The following BACH1 variants were observed in gnomAD, a reference collection of about 807,000 sequenced individuals.
BACH1 encodes BTB domain and CNC homolog 1.
In BACH1, 35 loss-of-function variants were observed where a neutral mutation model predicts 52.9. That is an observed-to-expected ratio of 0.66 (90% CI 0.51 to 0.88). BACH1 has a LOEUF of 0.88. Ranked by LOEUF, BACH1 falls within the 40% of genes least tolerant of loss-of-function variation. The probability of loss-of-function intolerance (pLI) is 0.00; values close to 1 mark genes in which losing one functional copy is unlikely to be tolerated. For missense variants in BACH1, 808 were observed against 872.6 expected, an observed-to-expected ratio of 0.93 and a Z score of 0.93; for synonymous variants, 321 against 319.6, an observed-to-expected ratio of 1.00 and a Z score of -0.05.
At chr21:29,323,897 G>T (rs1395953847) in intron 2 of BACH1, among the ~76,000 whole-genome samples, 1 of 152,136 alleles carries the variant, frequency 6.6e-6, no homozygotes, top group Non-Finnish European at 1.5e-5. Context: ...TAGCATGTGT[G>T]TGTGCGGGTT....
chr21:29,303,383 G>T (rs1223866203), intron 1 of BACH1, among the ~76,000 whole-genome samples: 1 of 152,218 alleles, frequency 6.6e-6, no homozygotes, highest in East Asian at 1.9e-4. Flanking sequence ...ATGGCACTCT[G>T]AATGTGCCTT....
rs200472398 is a variant in BACH1 at position 29,326,816 on chromosome 21, A to G, written c.992A>G (p.Gln331Arg). ...TTGTCTCTTTTACACACATATGACC[A>G]ATATGGTGACTTGAATTTTGCTGGT... ...YSLSLLHTYD[Q>R]YGDLNFAGMQ... The change falls in exon 3 of 5, where the codon CAA (glutamine) becomes CGA (arginine). Residue 331 changes from glutamine (Q) to arginine (R), a missense_variant. Transcript: ENST00000286800. The G allele has an allele frequency of 4.9e-4, 784 of 1,614,084 alleles. No homozygotes were observed. Among genetic ancestry groups the G allele is most frequent in the Non-Finnish European group, 6.3e-4 (746 of 1,180,046 alleles).
At chr21:29,328,525 CCT>C (rs1601357274) in intron 3 of BACH1, among the ~76,000 whole-genome samples, 2 of 150,818 alleles carry the variant, frequency 1.3e-5, no homozygotes, top group South Asian at 4.2e-4. Context: ...CATTTTTTCC[CCT>C]TTCTTGGGCT....
In BACH1 at chr21:29,326,513, T is replaced by G. The variant is rs542608015; in HGVS notation, c.689T>G (p.Phe230Cys). Residue 230 changes from phenylalanine (F) to cysteine (C), a missense_variant, in exon 3 of 5, where the codon TTC becomes TGC. By Grantham distance (205) the Phe-to-Cys change is radical. Coordinates refer to ENST00000286800, the MANE Select transcript of BACH1 (RefSeq NM_001186.4). ...TCTTTATGCCCCAAATACAGAAAAT[T>G]CCAAAAAGCATTTGGAACTGACAGA... Reference protein sequence around the residue: ...LPSLCPKYRKFQKAFGTDRVR... With the variant: ...LPSLCPKYRKCQKAFGTDRVR... 1.2e-6 allele frequency: 2 copies of G among 1,614,114 alleles called. No homozygotes were observed. The highest frequency in any genetic ancestry group is 2.7e-5 in the African/African-American group (2 of 75,010).
intron 3 of BACH1, among the ~76,000 whole-genome samples, chr21:29,328,975 CAT>C (rs1390099199): frequency 2.0e-5 from 3 of 152,132 alleles, no homozygotes; most frequent in Admixed American, 2.0e-4. Context: ...AGGTTGTTTC[CAT>C]ATCATGGCTA....
At chr21:29,360,809 C>T (rs1451965669) in intron 2 of BACH1, among the ~76,000 whole-genome samples, 3 of 148,936 alleles carry the variant, frequency 2.0e-5, no homozygotes, top group African/African-American at 5.0e-5. Context: ...GGCACCACTG[C>T]ACTCCAGACT....
rs199708280 is a variant in BACH1 at position 29,339,564 on chromosome 21, TA to T, written c.1777-2828del. 6.4e-3 allele frequency among the ~76,000 whole-genome samples: 978 copies of T among 151,982 alleles called. 5 individuals are homozygous for T. Among genetic ancestry groups the T allele is most frequent in the African/African-American group, 0.022 (904 of 41,442 alleles). ...TTGGGTGAGTTATATTTATGATCTTTAAAAAAATTATATTTGAATAAATATT... is the reference window on the plus strand; with the variant it reads ...TTGGGTGAGTTATATTTATGATCTTTAAAAAATTATATTTGAATAAATATT... On this transcript the variant is annotated intron_variant, in intron 4 of 4. Transcript: ENST00000286800.
chr21:29,355,583 G>A (rs2089229071), intron 2 of BACH1, among the ~76,000 whole-genome samples: 1 of 152,178 alleles, frequency 6.6e-6, no homozygotes, highest in Admixed American at 6.5e-5. Context: ...TCTTCCAGAG[G>A]GGAACTCTCT....
intron 1 of BACH1, among the ~76,000 whole-genome samples, chr21:29,312,914 C>T (rs1222827441): frequency 6.6e-6 from 1 of 152,008 alleles, no homozygotes; most frequent in East Asian, 1.9e-4. Context: ...ATTAAAAAGC[C>T]CAGAAGAATT....
intron 2 of BACH1, 107 bp downstream of exon 2, chr21:29,321,621 C>T: frequency 1.1e-6 from 1 of 935,408 alleles, no homozygotes; most frequent in Non-Finnish European, 1.5e-6. Flanking sequence ...GGCTATGGAG[C>T]ATTTCCCAGG....
chr21:29,328,742 C>G (rs1184593511), intron 3 of BACH1, among the ~76,000 whole-genome samples: 3 of 152,166 alleles, frequency 2.0e-5, no homozygotes, highest in East Asian at 3.8e-4. Flanking sequence ...CCATTCTACT[C>G]TCTGTTTCTG....
downstream of BACH1, among the ~76,000 whole-genome samples, chr21:29,347,224 C>G (rs1014180345): frequency 1.3e-5 from 2 of 152,148 alleles, no homozygotes; most frequent in Admixed American, 1.3e-4. Flanking sequence ...GCTGTTTAGC[C>G]CAGTGAACCT....
Position 29,321,445 on chromosome 21 carries a change from C to T in BACH1, c.165C>T (p.Cys55=), listed in dbSNP as rs1035508872. ...CTCACCGGTCCGTGCTGGCGGCATG[C>T]AGCAGTTACTTCCACTCAAGAATCG... is the stretch of plus-strand genomic sequence containing the variant. ...FRAHRSVLAA[C]SSYFHSRIVG... Residue 55 remains cysteine, a synonymous_variant, in exon 2 of 5, where the codon TGC becomes TGT. Transcript: ENST00000286800. 1.2e-6 allele frequency: 2 copies of T among 1,614,208 alleles called. No homozygotes were observed. Among genetic ancestry groups the T allele is most frequent in the Non-Finnish European group, 1.7e-6 (2 of 1,180,042 alleles).
intron 3 of BACH1, 114 bp from the exon 4 acceptor site, chr21:29,329,373 T>C: frequency 1.2e-6 from 1 of 844,354 alleles, no homozygotes; most frequent in Non-Finnish European, 1.7e-6. Context: ...GCCTATGTTT[T>C]CTTTAATGTA....
intron 1 of BACH1, among the ~76,000 whole-genome samples, chr21:29,306,869 A>G (rs574773410): frequency 6.6e-6 from 1 of 152,260 alleles, no homozygotes; most frequent in Non-Finnish European, 1.5e-5. Context: ...TTATTTAAAA[A>G]TTGAAAATGC....
chr21:29,361,375 A>T (rs2089270703), intron 2 of BACH1: 1 of 152,180 alleles, frequency 6.6e-6, no homozygotes, highest in African/African-American at 2.4e-5. Flanking sequence ...TTTGCTTGCA[A>T]ATCAATCAAT....
At chr21:29,334,912 G>A (rs1256653543) in intron 4 of BACH1, among the ~76,000 whole-genome samples, 1 of 152,126 alleles carries the variant, frequency 6.6e-6, no homozygotes, top group African/African-American at 2.4e-5. Flanking sequence ...TGGCCCTTCC[G>A]GAACCTGCCC....
intron 2 of BACH1, among the ~76,000 whole-genome samples, chr21:29,359,932 A>G (rs1188626666): frequency 6.6e-6 from 1 of 152,102 alleles, no homozygotes; most frequent in Non-Finnish European, 1.5e-5. Flanking sequence ...CCTCTGACCT[A>G]TTGTTTATGT....
chr21:29,306,415 A>G (rs765536004), intron 1 of BACH1, among the ~76,000 whole-genome samples: 2 of 151,140 alleles, frequency 1.3e-5, no homozygotes, highest in African/African-American at 2.4e-5. Context: ...ATTTTTCCCT[A>G]AAGCCTCATA....
Sources: allele counts gnomAD v4.1 joint callset (sites outside exome capture counted in the v4.1 genomes callset), GRCh38; gene constraint gnomAD v4.1.1; transcripts MANE v1.5; gene names NCBI Gene and HGNC (gene_info 2026-07-23, HGNC 2026-07-21).